Variants in SH3RF3 observed in about 807,000 individuals in gnomAD.
The protein encoded by SH3RF3 is E3 ubiquitin-protein ligase SH3RF3.
In SH3RF3, 29 loss-of-function variants were observed where a neutral mutation model predicts 66.3. The ratio of observed to expected loss-of-function variants is 0.44; its 90% CI spans 0.33 to 0.60. The LOEUF (loss-of-function observed/expected upper bound fraction) is 0.60, where lower values mean the gene tolerates loss of function less well. Among genes scored for constraint, SH3RF3 ranks in the 20% least tolerant of loss-of-function variants. The probability of loss-of-function intolerance (pLI) is 0.04; values close to 1 mark genes in which losing one functional copy is unlikely to be tolerated. For synonymous variants in SH3RF3, 583 were observed against 532.0 expected (o/e 1.10, Z -1.32); for missense variants, 1,194 against 1,190.9 (o/e 1.00, Z -0.04).
At position 109,319,307 on chromosome 2, in the gene SH3RF3, A is replaced by G. The variant is rs565752184; in HGVS notation, c.574-28367A>G. On this transcript the variant is annotated intron_variant, in intron 1 of 9. Coordinates refer to ENST00000309415, the MANE Select transcript of SH3RF3 (RefSeq NM_001099289.3). ...GCATCGTGATATGAACTCTACATTT[A>G]TTTCCCCTCTTCCTAAGCCAGTGCA... 2.0e-5 allele frequency among the ~76,000 whole-genome samples: 3 copies of G among 152,258 alleles called. No homozygotes were observed. In the South Asian group the frequency reaches 6.2e-4, roughly 32 times the overall value.
chr2:109,393,671 A>G (rs1676061930), intron 3 of SH3RF3, among the ~76,000 whole-genome samples: 2 of 151,848 alleles, frequency 1.3e-5, no homozygotes, highest in African/African-American at 2.4e-5. Flanking sequence ...TTCAGGACAC[A>G]TTCCCTCCCT....
At chr2:109,389,128 G>C (rs537302229) in intron 3 of SH3RF3, among the ~76,000 whole-genome samples, 51 of 152,332 alleles carry the variant, frequency 3.3e-4, no homozygotes, top group African/African-American at 1.2e-3. Flanking sequence ...TCCCAGAGAA[G>C]CTGCACATAG....
At chr2:109,192,198 G>A (rs1028420029) in intron 1 of SH3RF3, among the ~76,000 whole-genome samples, 1 of 152,140 alleles carries the variant, frequency 6.6e-6, no homozygotes, top group Non-Finnish European at 1.5e-5. Context: ...CACTCCACAG[G>A]CTACTGAACC....
chr2:109,141,187 C>T (rs1024996305), intron 1 of SH3RF3, among the ~76,000 whole-genome samples: 1 of 152,210 alleles, frequency 6.6e-6, no homozygotes, highest in Non-Finnish European at 1.5e-5. Flanking sequence ...TGTCTCCCTT[C>T]TGTGCAGTTT....
chr2:109,195,153 A>G (rs1678465463), intron 1 of SH3RF3, among the ~76,000 whole-genome samples: 1 of 152,332 alleles, frequency 6.6e-6, no homozygotes, highest in Admixed American at 6.5e-5. Flanking sequence ...GAAAAAAAGG[A>G]CAATTTGGTT....
At chr2:109,157,274 G>A (rs1458840024) in intron 1 of SH3RF3, among the ~76,000 whole-genome samples, 1 of 152,180 alleles carries the variant, frequency 6.6e-6, no homozygotes, top group Non-Finnish European at 1.5e-5. Context: ...CCAGCAGAGA[G>A]CCCGCATTCC....
At chr2:109,434,891 G>T (rs779959981) in intron 6 of SH3RF3, among the ~76,000 whole-genome samples, 6 of 152,208 alleles carry the variant, frequency 3.9e-5, no homozygotes, top group Non-Finnish European at 8.8e-5. Flanking sequence ...TGATCAAAAT[G>T]TCTCCTCAAG....
intron 1 of SH3RF3, among the ~76,000 whole-genome samples, chr2:109,273,918 G>A (rs746599095): frequency 7.9e-5 from 12 of 152,132 alleles, no homozygotes; most frequent in Middle Eastern, 3.2e-3. Context: ...TGGTAGGACT[G>A]GGTTTGGTGC....
intron 1 of SH3RF3, among the ~76,000 whole-genome samples, chr2:109,276,574 A>G (rs1460016275): frequency 1.3e-5 from 2 of 152,198 alleles, no homozygotes; most frequent in South Asian, 2.1e-4. Flanking sequence ...CTTGTGTTTC[A>G]TTTGTATATT....
intron 1 of SH3RF3, among the ~76,000 whole-genome samples, chr2:109,236,906 AAGTAT>A (rs1395516903): frequency 6.6e-6 from 1 of 152,216 alleles, no homozygotes; most frequent in Non-Finnish European, 1.5e-5. Flanking sequence ...GACAAGGCAT[AAGTAT>A]AGTTCTAGGG....
At chr2:109,131,718 CTT>C (rs1676700702) in intron 1 of SH3RF3, among the ~76,000 whole-genome samples, 1 of 152,274 alleles carries the variant, frequency 6.6e-6, no homozygotes, top group East Asian at 1.9e-4. Flanking sequence ...AAGCTTGGAA[CTT>C]TTTAGTAGTG....
At chr2:109,251,487 T>C (rs1680090467) in intron 1 of SH3RF3, 5 of 740,686 alleles carry the variant, frequency 6.8e-6, no homozygotes, top group Non-Finnish European at 1.3e-5. Context: ...TGAAATTAAA[T>C]GGTGGCAGAC....
intron 1 of SH3RF3, among the ~76,000 whole-genome samples, chr2:109,133,410 T>A (rs11693658): frequency 0.2 from 30,934 of 152,182 alleles, 3,910 homozygotes; most frequent in Middle Eastern, 0.36. Flanking sequence ...AAAATTATAT[T>A]TGTTAAATAT....
intron 1 of SH3RF3, among the ~76,000 whole-genome samples, chr2:109,209,619 G>A (rs1678921575): frequency 6.6e-6 from 1 of 152,060 alleles, no homozygotes; most frequent in Admixed American, 6.5e-5. Context: ...CTGTGTAGGT[G>A]GGGAGGAAAG....
chr2:109,315,662 A>G (rs1229121914), intron 1 of SH3RF3, among the ~76,000 whole-genome samples: 1 of 152,240 alleles, frequency 6.6e-6, no homozygotes, highest in Non-Finnish European at 1.5e-5. Flanking sequence ...CTTTCCTGGC[A>G]GTCTATAAAG....
chr2:109,406,928 G>A (rs59396398), intron 4 of SH3RF3, among the ~76,000 whole-genome samples: 2 of 152,292 alleles, frequency 1.3e-5, no homozygotes, highest in African/African-American at 4.8e-5. Flanking sequence ...CCGTCCCCAG[G>A]TGCCACTTCC....
intron 1 of SH3RF3, among the ~76,000 whole-genome samples, chr2:109,205,294 C>T (rs1439740077): frequency 6.7e-6 from 1 of 149,702 alleles, no homozygotes; most frequent in African/African-American, 2.5e-5. Flanking sequence ...TGAGTCTTGC[C>T]ATGTCGTCCA....
Position 109,436,885 on chromosome 2 carries a change from C to T in SH3RF3, c.1575-8C>T, listed in dbSNP as rs1677414934. The T allele has an allele frequency of 1.2e-6, 2 of 1,611,884 alleles. No homozygotes were observed. The highest frequency in any genetic ancestry group is 1.3e-5 in the African/African-American group (1 of 74,930). On this transcript the variant is annotated splice_region_variant and splice_polypyrimidine_tract_variant and intron_variant, in intron 6 of 9. Coordinates refer to ENST00000309415, the MANE Select transcript of SH3RF3 (RefSeq NM_001099289.3). ...CTCATCAGAATTCCTTCTGCTTTCT[C>T]TCCACAGGGTGCCTGCAGGAGGGGC...
intron 1 of SH3RF3, among the ~76,000 whole-genome samples, chr2:109,226,343 AG>A (rs1679373469): frequency 2.0e-5 from 3 of 152,198 alleles, no homozygotes. Flanking sequence ...TCAAAGCTAA[AG>A]TCACATTGAC....
Sources: gnomAD v4.1 joint callset for allele counts (sites outside exome capture counted in the v4.1 genomes callset) on GRCh38, gnomAD v4.1.1 for gene constraint, MANE v1.5 for transcripts, NCBI Gene and HGNC (gene_info 2026-07-23, HGNC 2026-07-21) for gene names.